NUDT4: variants seen among roughly 807,000 people sequenced by gnomAD.
NUDT4 encodes diphosphoinositol polyphosphate phosphohydrolase 2.
A neutral mutation model predicts 23.1 loss-of-function variants in NUDT4; 5 were observed. The ratio of observed to expected loss-of-function variants is 0.22; its 90% CI spans 0.11 to 0.46. NUDT4 has a LOEUF of 0.46. Among genes scored for constraint, NUDT4 ranks in the 20% least tolerant of loss-of-function variants. The pLI is 0.99. For synonymous variants in NUDT4, 50 were observed against 79.0 expected, an observed-to-expected ratio of 0.63 and a Z score of 1.95; for missense variants, 96 against 211.6, an observed-to-expected ratio of 0.45 and a Z score of 3.39.
chr12:93,405,486 G>C lies in NUDT4; in HGVS notation c.*6107G>C, dbSNP rs1258943052. 2.0e-5 allele frequency: 3 copies of C among 152,192 alleles called. No individual in the cohort carries two copies. Among genetic ancestry groups the C allele is most frequent in the African/African-American group, 7.2e-5 (3 of 41,422 alleles). The allele number at this position is 152,192 out of a possible 1,614,324, so 9.4% of individuals were successfully genotyped here. On this transcript the variant is annotated 3_prime_UTR_variant, in exon 5 of 5. Transcript: ENST00000415493. ...CTCAAGGGTGACAAGATGAAACTGG[G>C]AGAGGGCCGGGGAGACCCGAACTCT...
chr12:93,394,922 C>G (rs1876823880), intron 2 of NUDT4, among the ~76,000 whole-genome samples: 1 of 152,004 alleles, frequency 6.6e-6, no homozygotes, highest in Non-Finnish European at 1.5e-5. Context: ...GATCTTGGCT[C>G]ACTGCCACCT....
chr12:93,391,038 G>C (rs1462462662), intron 1 of NUDT4, among the ~76,000 whole-genome samples: 1 of 152,166 alleles, frequency 6.6e-6, no homozygotes, highest in Non-Finnish European at 1.5e-5. Context: ...TGGTAACTTA[G>C]TCAAATGAGA....
chr12:93,391,072 A>C (rs1179072299), intron 1 of NUDT4, among the ~76,000 whole-genome samples: 1 of 151,954 alleles, frequency 6.6e-6, no homozygotes, highest in Non-Finnish European at 1.5e-5. Context: ...CTGGCTGAGA[A>C]CTCTTAAAGG....
chr12:93,398,982 C>T, intron 4 of NUDT4, 127 bp downstream of exon 4: 1 of 825,056 alleles, frequency 1.2e-6, no homozygotes, highest in Admixed American at 3.0e-5. Flanking sequence ...CAGTTTCCAT[C>T]CTAGATTTTT....
rs569413059 is a variant in NUDT4, at chr12:93,396,450, T to C, written c.255+917T>C. The stretch of plus-strand genomic sequence containing the variant: ...AAGATTCAGACCTAGATACACAGTA[T>C]ACCAGAAACATGGTCACTTTCCTTT... On this transcript the variant is annotated intron_variant, in intron 3 of 4. Transcript: ENST00000415493. Among the ~76,000 whole-genome samples the C allele has an allele frequency of 9.8e-4, 150 of 152,346 alleles. 1 individual carries two copies. Among genetic ancestry groups the C allele is most frequent in the Non-Finnish European group, 1.6e-3 (111 of 68,032 alleles).
chr12:93,382,757 A>G (rs994834306), intron 1 of NUDT4, among the ~76,000 whole-genome samples: 3 of 146,700 alleles, frequency 2.0e-5, no homozygotes, highest in Non-Finnish European at 4.5e-5. Flanking sequence ...GCTTACTGCA[A>G]GCTCCGCCTT....
chr12:93,388,093 T>C (rs983103373), intron 1 of NUDT4, among the ~76,000 whole-genome samples: 13 of 152,230 alleles, frequency 8.5e-5, no homozygotes, highest in Admixed American at 2.0e-4. Context: ...AGACCTCTTT[T>C]CATAAGCTAG....
Position 93,406,409 on chromosome 12 carries a change from G to T in NUDT4, c.*7030G>T, listed in dbSNP as rs1413776749. 1 of 150,360 alleles carries T rather than the reference G, an allele frequency of 6.7e-6. No individual in the cohort carries two copies. Among genetic ancestry groups the T allele is most frequent in the Non-Finnish European group, 1.5e-5 (1 of 67,900 alleles). The allele number at this position is 150,360 out of a possible 1,614,324, so 9.3% of individuals were successfully genotyped here. The stretch of plus-strand genomic sequence containing the variant: ...TGTGTTTATAATGTCTTTTAGGACA[G>T]ATTTCCTTCCCCATTCTCCATCAAA... On this transcript the variant is annotated 3_prime_UTR_variant, in exon 5 of 5. Transcript: ENST00000415493.
At position 93,400,961 on chromosome 12, in the gene NUDT4, G is replaced by A. The variant is rs1441564832; in HGVS notation, c.*1582G>A. On this transcript the variant is annotated 3_prime_UTR_variant, in exon 5 of 5. Coordinates refer to ENST00000415493, the MANE Select transcript of NUDT4 (RefSeq NM_019094.6). ...CCTTTGTAAATATTGTAACTGGGGA[G>A]TATAGAGTAGAAAAAAAGTATAGTT... is the stretch of plus-strand genomic sequence containing the variant. 1 of 152,378 alleles carries A rather than the reference G, an allele frequency of 6.6e-6. No homozygotes were observed. The highest frequency in any genetic ancestry group is 6.5e-5 in the Admixed American group (1 of 15,296). 9.4% of individuals were successfully genotyped at this position (152,378 alleles called of 1,614,324 possible). A position where few individuals can be genotyped will look rare whatever the true frequency, so the allele number is the denominator to read the frequency against.
intron 1 of NUDT4, among the ~76,000 whole-genome samples, chr12:93,388,511 T>G (rs1277861632): frequency 6.6e-6 from 1 of 152,222 alleles, no homozygotes; most frequent in Non-Finnish European, 1.5e-5. Context: ...CTCTTTAAGG[T>G]GGAGAACTTG....
chr12:93,404,121 A>G lies in NUDT4; in HGVS notation c.*4742A>G, dbSNP rs961887503. ...TCCTGCTTTTCTCAACTTTTCCTCAAATTCATGTTAGTGAAGTACTTTCAT... is the reference window on the plus strand; with the variant it reads ...TCCTGCTTTTCTCAACTTTTCCTCAGATTCATGTTAGTGAAGTACTTTCAT... On this transcript the variant is annotated 3_prime_UTR_variant, in exon 5 of 5. Transcript: ENST00000415493. The G allele has an allele frequency of 1.3e-5, 2 of 152,188 alleles. No homozygotes were observed. Among genetic ancestry groups the G allele is most frequent in the African/African-American group, 4.8e-5 (2 of 41,430 alleles). 9.4% of individuals were successfully genotyped at this position (152,188 alleles called of 1,614,324 possible). A position where few individuals can be genotyped will look rare whatever the true frequency, so the allele number is the denominator to read the frequency against.
At chr12:93,396,488 G>C (rs972063422) in intron 3 of NUDT4, among the ~76,000 whole-genome samples, 4 of 152,254 alleles carry the variant, frequency 2.6e-5, no homozygotes, top group Admixed American at 2.6e-4. Flanking sequence ...TCAGGGTGCT[G>C]TTTATAGGTT....
rs2120895883 is a variant in NUDT4 at position 93,387,252 on chromosome 12, T to C, written c.100-7357T>C. Among the ~76,000 whole-genome samples the C allele has an allele frequency of 1.3e-5, 2 of 152,326 alleles. 1 individual carries two copies. The highest frequency in any genetic ancestry group is 4.1e-4 in the South Asian group (2 of 4,828). ...CGGCTAGACTGTTTTATTTGCATGC[T>C]CTTTACAAAACGTGTTTTTTCAAGC... On this transcript the variant is annotated intron_variant, in intron 1 of 4. Coordinates refer to ENST00000415493, the MANE Select transcript of NUDT4 (RefSeq NM_019094.6).
At chr12:93,382,022 G>A (rs993271511) in intron 1 of NUDT4, among the ~76,000 whole-genome samples, 50 of 152,178 alleles carry the variant, frequency 3.3e-4, no homozygotes, top group African/African-American at 1.2e-3. Context: ...TTTGGGAGGC[G>A]GAGGTGGGCA....
chr12:93,379,158 A>C (rs1363041335), intron 1 of NUDT4, among the ~76,000 whole-genome samples: 2 of 152,156 alleles, frequency 1.3e-5, no homozygotes, highest in African/African-American at 4.8e-5. Flanking sequence ...GTCTGGCTTG[A>C]CATCTGGAAA....
At chr12:93,396,386 G>C (rs1876936023) in intron 3 of NUDT4, among the ~76,000 whole-genome samples, 1 of 152,160 alleles carries the variant, frequency 6.6e-6, no homozygotes, top group Non-Finnish European at 1.5e-5. Flanking sequence ...GCAGTCTCTG[G>C]AAGCCAGGGA....
rs568878783 is a variant in NUDT4, at chr12:93,405,609, C to T, written c.*6230C>T. ...CCATAAAGCCAACTCTTGGAATATACCTGACTTCCACGATAAAATGGAGAT... is the reference window on the plus strand; with the variant it reads ...CCATAAAGCCAACTCTTGGAATATATCTGACTTCCACGATAAAATGGAGAT... On this transcript the variant is annotated 3_prime_UTR_variant, in exon 5 of 5. Transcript: ENST00000415493. The T allele has an allele frequency of 6.6e-6, 1 of 152,296 alleles. No individual in the cohort carries two copies. Among genetic ancestry groups the T allele is most frequent in the African/African-American group, 2.4e-5 (1 of 41,562 alleles). 9.4% of individuals were successfully genotyped at this position (152,296 alleles called of 1,614,324 possible).
intron 1 of NUDT4, among the ~76,000 whole-genome samples, chr12:93,391,952 C>T (rs1876539734): frequency 1.3e-5 from 2 of 152,030 alleles, no homozygotes; most frequent in South Asian, 2.1e-4. Context: ...GGTGCAGTCT[C>T]GGCTCACTGC....
In NUDT4 at chr12:93,408,011, A is replaced by G. The variant is rs941034156; in HGVS notation, c.*8632A>G. ...CTTCTATAACTCACAAATTTAGCAG[A>G]CATCATTTAGACATTTTTGTAGTGC... On this transcript the variant is annotated 3_prime_UTR_variant, in exon 5 of 5. Coordinates refer to ENST00000415493, the MANE Select transcript of NUDT4 (RefSeq NM_019094.6). 6 of 152,260 alleles carry G rather than the reference A, an allele frequency of 3.9e-5. No homozygotes were observed. Among genetic ancestry groups the G allele is most frequent in the African/African-American group, 1.4e-4 (6 of 41,474 alleles). The allele number at this position is 152,260 out of a possible 1,614,324, so 9.4% of individuals were successfully genotyped here.
Sources: gnomAD v4.1 joint callset for allele counts (sites outside exome capture counted in the v4.1 genomes callset) on GRCh38, gnomAD v4.1.1 for gene constraint, MANE v1.5 for transcripts, NCBI Gene and HGNC (gene_info 2026-07-23, HGNC 2026-07-21) for gene names.